The following BIRC6 variants were observed in gnomAD, a reference collection of about 807,000 sequenced individuals.
BIRC6 encodes dual E2 ubiquitin-conjugating enzyme/E3 ubiquitin-protein ligase BIRC6.
BIRC6 carries 98 observed loss-of-function variants against 503.3 expected under a neutral mutation model. The observed-to-expected ratio is 0.19, with a 90% CI of 0.17 to 0.23. BIRC6 has a LOEUF of 0.23. Among genes scored for constraint, BIRC6 ranks in the 10% least tolerant of loss-of-function variants. The pLI is 1.00. For missense variants in BIRC6, 5,360 were observed against 5,806.0 expected (o/e 0.92, Z 2.50); for synonymous variants, 2,240 against 2,078.7 (o/e 1.08, Z -2.11).
chr2:32,582,416 A>G (rs1002374961), intron 66 of BIRC6, among the ~76,000 whole-genome samples: 3 of 152,062 alleles, frequency 2.0e-5, no homozygotes, highest in Non-Finnish European at 4.4e-5. Context: ...AGTAGGTAGA[A>G]CCAATATTGC....
chr2:32,489,769 C>G (rs1359609743), intron 42 of BIRC6, among the ~76,000 whole-genome samples: 2 of 152,084 alleles, frequency 1.3e-5, no homozygotes, highest in African/African-American at 4.8e-5. Context: ...GTAGAAATGC[C>G]TATGGTTTGG....
rs1303987864 is a variant in BIRC6, at chr2:32,415,353, A to C, written c.2062A>C (p.Ile688Leu). The C allele has an allele frequency of 6.2e-7, 1 of 1,613,918 alleles. No individual in the cohort carries two copies. Among genetic ancestry groups the C allele is most frequent in the African/African-American group, 1.3e-5 (1 of 74,952 alleles). The change falls in exon 10 of 74, where the codon ATT (isoleucine) becomes CTT (leucine). Residue 688 changes from isoleucine (I) to leucine (L), a missense_variant. By Grantham distance (5) the Ile-to-Leu change is conservative (BLOSUM62 2). Coordinates refer to ENST00000421745, the MANE Select transcript of BIRC6 (RefSeq NM_016252.4). ...ATTGCAGGATCCTCCTGTGACTTAC[A>C]TTCAGCAATTTGCAGATGCAGCAGC... ...LLLQDPPVTY[I>L]QQFADAAANL...
Position 32,573,652 on chromosome 2 carries a change from C to G in BIRC6, c.13145-1504C>G, listed in dbSNP as rs188834816. 2.5e-3 allele frequency among the ~76,000 whole-genome samples: 375 copies of G among 152,172 alleles called. 3 individuals carry two copies. The highest frequency in any genetic ancestry group is 3.5e-3 in the Non-Finnish European group (236 of 68,008). On this transcript the variant is annotated intron_variant, in intron 65 of 73. Transcript: ENST00000421745. ...AGCCTTAGAAGCAACGTGTGTTCCT[C>G]GAGTAAGGAATTCACTCTTAGATAC... is the stretch of plus-strand genomic sequence containing the variant.
At chr2:32,504,046 G>GTGTGTGTC (rs2053521591) in intron 49 of BIRC6, among the ~76,000 whole-genome samples, 1 of 144,410 alleles carries the variant, frequency 6.9e-6, no homozygotes, top group Non-Finnish European at 1.5e-5. Flanking sequence ...GTGTGTGTGT[G>GTGTGTGTC]TGTGTGTGTG....
intron 65 of BIRC6, among the ~76,000 whole-genome samples, chr2:32,555,258 A>T (rs1047516931): frequency 1.3e-4 from 20 of 152,076 alleles, no homozygotes; most frequent in African/African-American, 4.8e-4. Context: ...CATGCCTGTA[A>T]TCCCTTTGGG....
intron 61 of BIRC6, among the ~76,000 whole-genome samples, chr2:32,533,841 G>C (rs552827535): frequency 2.0e-5 from 3 of 152,096 alleles, no homozygotes; most frequent in African/African-American, 7.2e-5. Flanking sequence ...GACCTGTTTT[G>C]GATTTCTGAC....
In BIRC6 at chr2:32,599,764, C is replaced by G. The variant is rs1348552773; in HGVS notation, c.13856C>G (p.Thr4619Ser). 2 of 1,613,848 alleles carry G rather than the reference C, an allele frequency of 1.2e-6. No individual in the cohort carries two copies. The highest frequency in any genetic ancestry group is 2.2e-5 in the South Asian group (2 of 91,084). ...MKVLITGPAD[T>S]PYANGCFEFD... ...GTTCTAATAACTGGTCCAGCGGACA[C>G]CCCTTATGCAAATGGCTGCTTTGAG... The change falls in exon 70 of 74, where the codon ACC becomes AGC. Residue 4619 changes from threonine to serine, a missense_variant. Transcript: ENST00000421745.
In BIRC6 at chr2:32,618,109, G is replaced by T; in HGVS notation, c.*205G>T. ...TTTTTTGTGCTTTTATTTTTCAATT[G>T]TGAGAACCACTGATTGGTATGTTCA... On this transcript the variant is annotated 3_prime_UTR_variant, in exon 74 of 74. Coordinates refer to ENST00000421745, the MANE Select transcript of BIRC6 (RefSeq NM_016252.4). The T allele has an allele frequency of 2.3e-6, 1 of 436,406 alleles. No homozygotes were observed. The highest frequency in any genetic ancestry group is 3.4e-5 in the East Asian group (1 of 29,504). 27.0% of individuals were successfully genotyped at this position (436,406 alleles called of 1,614,324 possible).
rs778003796 is a variant in BIRC6, at chr2:32,411,442, TA to T, written c.1478-3324del. On this transcript the variant is annotated intron_variant, in intron 9 of 73. Transcript: ENST00000421745. ...ATTTTATTTTTTTATTTTTTTTTTT[TA>T]AATTTTCTATTTTTTGTATTTTCGA... 1.5e-3 allele frequency among the ~76,000 whole-genome samples: 215 copies of T among 147,810 alleles called. 4 individuals are homozygous for T. The highest frequency in any genetic ancestry group is 0.012 in the South Asian group (55 of 4,748).
At position 32,590,993 on chromosome 2, in the gene BIRC6, C is replaced by T. The variant is rs932289447; in HGVS notation, c.13356-2922C>T. On this transcript the variant is annotated intron_variant, in intron 66 of 73. Coordinates refer to ENST00000421745, the MANE Select transcript of BIRC6 (RefSeq NM_016252.4). ...TGTGAGCTAAGGTATGGCCTTTTTT[C>T]ATGAGCTGGGCCTACATATGGGTTG... is the stretch of plus-strand genomic sequence containing the variant. 1.0e-5 allele frequency: 10 copies of T among 985,568 alleles called. No individual in the cohort carries two copies. In the Admixed American group the frequency reaches 2.5e-4, roughly 24 times the overall value. 61.1% of individuals were successfully genotyped at this position (985,568 alleles called of 1,614,324 possible). A position where few individuals can be genotyped will look rare whatever the true frequency, so the allele number is the denominator to read the frequency against.
chr2:32,378,503 G>A (rs1353531813), intron 2 of BIRC6, among the ~76,000 whole-genome samples: 1 of 151,772 alleles, frequency 6.6e-6, no homozygotes, highest in East Asian at 1.9e-4. Flanking sequence ...TGTCACCCAG[G>A]CAGGAGTGCA....
intron 3 of BIRC6, among the ~76,000 whole-genome samples, chr2:32,383,932 T>C (rs1310580316): frequency 6.6e-6 from 1 of 152,256 alleles, no homozygotes; most frequent in East Asian, 1.9e-4. Flanking sequence ...GCATAAGTTC[T>C]CCTTGCCCCT....
At chr2:32,575,873 A>G (rs1025665648) in intron 66 of BIRC6, among the ~76,000 whole-genome samples, 8 of 152,206 alleles carry the variant, frequency 5.3e-5, no homozygotes, top group Non-Finnish European at 7.3e-5. Context: ...TTTATTCACA[A>G]TTGCTTATTC....
chr2:32,466,034 A>G (rs978323121), intron 26 of BIRC6, among the ~76,000 whole-genome samples: 1 of 152,148 alleles, frequency 6.6e-6, no homozygotes, highest in South Asian at 2.1e-4. Flanking sequence ...GTTTTTTTAT[A>G]CATAGCAATG....
At chr2:32,569,708 T>G (rs1006406160) in intron 65 of BIRC6, among the ~76,000 whole-genome samples, 1 of 152,102 alleles carries the variant, frequency 6.6e-6, no homozygotes, top group African/African-American at 2.4e-5. Flanking sequence ...TAAATGAGAT[T>G]GCTTTCTTGA....
At chr2:32,517,149 G>A (rs928402977) in intron 55 of BIRC6, among the ~76,000 whole-genome samples, 1 of 152,018 alleles carries the variant, frequency 6.6e-6, no homozygotes, top group African/African-American at 2.4e-5. Context: ...TTGACAACAT[G>A]GCAAAACCTC....
At chr2:32,365,107 G>A (rs778318813) in intron 1 of BIRC6, among the ~76,000 whole-genome samples, 35 of 152,058 alleles carry the variant, frequency 2.3e-4, no homozygotes, top group Non-Finnish European at 4.1e-4. Flanking sequence ...TATGTACTTT[G>A]GCTCTGTTTC....
chr2:32,575,558 A>C (rs946727931), intron 66 of BIRC6, among the ~76,000 whole-genome samples, 192 bp downstream of exon 66: 1 of 152,082 alleles, frequency 6.6e-6, no homozygotes, highest in African/African-American at 2.4e-5. Context: ...AGGTCAGGAG[A>C]TCAAGACCAT....
chr2:32,369,940 AAAAAAATATATAT>A (rs1312948882), intron 1 of BIRC6, among the ~76,000 whole-genome samples: 91 of 50,176 alleles, frequency 1.8e-3, no homozygotes, highest in African/African-American at 9.3e-3. Context: ...AAAAAAAAAA[AAAAAAATATATAT>A]ATATATATAT....
Sources: allele counts gnomAD v4.1 joint callset (sites outside exome capture counted in the v4.1 genomes callset), GRCh38; gene constraint gnomAD v4.1.1; transcripts MANE v1.5; gene names NCBI Gene and HGNC (gene_info 2026-07-23, HGNC 2026-07-21).